CFAP70: variants seen among roughly 807,000 people sequenced by gnomAD.
The protein encoded by CFAP70 is cilia- and flagella-associated protein 70.
A neutral mutation model predicts 137.6 loss-of-function variants in CFAP70; 81 were observed. The ratio of observed to expected loss-of-function variants is 0.59; its 90% CI spans 0.49 to 0.71. The LOEUF (loss-of-function observed/expected upper bound fraction) is 0.71, where lower values mean the gene tolerates loss of function less well. Ranked by LOEUF, CFAP70 falls within the 30% of genes least tolerant of loss-of-function variation. The pLI is 0.00. For missense variants in CFAP70, 976 were observed against 1,226.7 expected (o/e 0.80, Z 3.05); for synonymous variants, 382 against 423.6 (o/e 0.90, Z 1.20).
upstream of CFAP70, among the ~76,000 whole-genome samples, chr10:73,361,053 C>T (rs2054984537): frequency 6.6e-6 from 1 of 151,256 alleles, no homozygotes; most frequent in Non-Finnish European, 1.5e-5. Context: ...GGCTGGAGTG[C>T]CGTGGCGCAA....
Position 73,310,147 on chromosome 10 carries a change from T to C in CFAP70, c.1256+11A>G, listed in dbSNP as rs1370582323. 1.9e-6 allele frequency: 3 copies of C among 1,589,498 alleles called. No individual in the cohort carries two copies. The highest frequency in any genetic ancestry group is 2.6e-6 in the Non-Finnish European group (3 of 1,165,202). On this transcript the variant is annotated intron_variant, in intron 12 of 26. Transcript: ENST00000310715. ...TTGTACAAAACTAGTATAAGCACCA[T>C]AGCTACAAACCTTCTGGCTAGCTCC...
intron 9 of CFAP70, among the ~76,000 whole-genome samples, chr10:73,321,796 A>T (rs1051373212): frequency 2.6e-5 from 4 of 151,620 alleles, no homozygotes; most frequent in Non-Finnish European, 5.9e-5. Flanking sequence ...TTATATATAT[A>T]TTTTTAAGAC....
At chr10:73,339,497 G>T (rs1421186163) in intron 6 of CFAP70, among the ~76,000 whole-genome samples, 1 of 152,180 alleles carries the variant, frequency 6.6e-6, no homozygotes, top group East Asian at 1.9e-4. Flanking sequence ...TTTTGCTTGG[G>T]CCTGCTAGGC....
chr10:73,253,812 C>T (rs2044192278), exon 27 of CFAP70: 1 of 505,746 alleles, frequency 2.0e-6, no homozygotes, highest in Non-Finnish European at 3.5e-6. Context: ...TTCTCGTCAA[C>T]CAGTAAAACA....
chr10:73,271,208 G>C (rs532683655), intron 24 of CFAP70, among the ~76,000 whole-genome samples: 1 of 152,242 alleles, frequency 6.6e-6, no homozygotes, highest in African/African-American at 2.4e-5. Context: ...CTCACTGACA[G>C]ATGTGTGAAA....
intron 24 of CFAP70, among the ~76,000 whole-genome samples, chr10:73,271,631 C>G (rs2046323624): frequency 6.6e-6 from 1 of 152,188 alleles, no homozygotes; most frequent in African/African-American, 2.4e-5. Context: ...CAAATGTTAA[C>G]AGTGGTTATC....
chr10:73,280,796 ACTT>A (rs1191967165), intron 19 of CFAP70, among the ~76,000 whole-genome samples: 2 of 152,000 alleles, frequency 1.3e-5, no homozygotes, highest in East Asian at 3.9e-4. Flanking sequence ...TGGTAATGTG[ACTT>A]CTTTTTTTCC....
At chr10:73,293,265 C>T (rs1322243229) in exon 16 of CFAP70, 1 of 1,607,028 alleles carries the variant, frequency 6.2e-7, no homozygotes. Flanking sequence ...TTAATTACCT[C>T]TTTATAATAT....
rs2046080605 is a variant in CFAP70 at position 73,269,730 on chromosome 10, G to A, written c.2926-15C>T. On this transcript the variant is annotated splice_polypyrimidine_tract_variant and intron_variant, in intron 24 of 26. Coordinates refer to ENST00000310715, the Ensembl canonical transcript of CFAP70. Reference sequence around the variant, plus strand: ...AGCTCCTCCAGCTTGACAGAAAAATGAGACATGTGAGTTAGCTTAGCTGAA... The same window carrying A: ...AGCTCCTCCAGCTTGACAGAAAAATAAGACATGTGAGTTAGCTTAGCTGAA... 3 of 1,550,536 alleles carry A rather than the reference G, an allele frequency of 1.9e-6. No homozygotes were observed. Among genetic ancestry groups the A allele is most frequent in the East Asian group, 4.5e-5 (2 of 44,526 alleles).
chr10:73,277,333 A>C (rs762737924), exon 21 of CFAP70: 15 of 1,614,082 alleles, frequency 9.3e-6, no homozygotes, highest in Non-Finnish European at 1.3e-5. Flanking sequence ...GATGCAGAAG[A>C]GCTGATGAAT....
Position 73,291,809 on chromosome 10 carries a change from G to T in CFAP70, c.1905-54C>A, listed in dbSNP as rs555907998. On this transcript the variant is annotated intron_variant, in intron 17 of 26. Transcript: ENST00000310715. ...AACACGGTCCCATGTCACATTTATGGAACCAAGACAATTTCACGTAGAAAC... is the reference window on the plus strand; with the variant it reads ...AACACGGTCCCATGTCACATTTATGTAACCAAGACAATTTCACGTAGAAAC... 1.1e-5 allele frequency: 18 copies of T among 1,613,394 alleles called. No individual in the cohort carries two copies. In the African/African-American group the frequency reaches 2.4e-4, roughly 22 times the overall value.
chr10:73,268,789 G>A lies in CFAP70; in HGVS notation c.3027+825C>T, dbSNP rs148669514. On this transcript the variant is annotated intron_variant, in intron 25 of 26. Transcript: ENST00000310715. ...GCACCCTGCAACTTCTGCCTCCCAG[G>A]TTCAAGTGATCCTCCCACCCCAACC... Among the ~76,000 whole-genome samples, 920 of 151,932 alleles carry A rather than the reference G, an allele frequency of 6.1e-3. 14 individuals carry two copies. Among genetic ancestry groups the A allele is most frequent in the Non-Finnish European group, 6.2e-3 (420 of 67,970 alleles).
rs987182565 is a variant in CFAP70 at position 73,322,813 on chromosome 10, T to C, written c.912+150A>G. On this transcript the variant is annotated intron_variant, in intron 9 of 26. Coordinates refer to ENST00000310715, the Ensembl canonical transcript of CFAP70. ...TTATCCTAAATTTTTAAAGGTCCAA[T>C]GCAGAATGACTGTAAGGCTATATAT... is the stretch of plus-strand genomic sequence containing the variant. 1.1e-5 allele frequency: 7 copies of C among 614,590 alleles called. No individual in the cohort carries two copies. The African/African-American group carries it at 1.3e-4, about 12-fold the overall frequency. The allele number at this position is 614,590 out of a possible 1,614,324, so 38.1% of individuals were successfully genotyped here.
At chr10:73,345,165 T>C (rs1218620924) in intron 4 of CFAP70, 1 of 1,614,176 alleles carries the variant, frequency 6.2e-7, no homozygotes, top group South Asian at 1.1e-5. Flanking sequence ...CAACGTGACC[T>C]TCAGTAGATT....
chr10:73,318,050 G>A (rs1446027065), intron 9 of CFAP70, among the ~76,000 whole-genome samples: 2 of 152,142 alleles, frequency 1.3e-5, no homozygotes, highest in Admixed American at 6.5e-5. Context: ...ATTGTAATGA[G>A]ACAGAGTAGC....
intron 12 of CFAP70, among the ~76,000 whole-genome samples, chr10:73,309,261 A>T (rs1025037862): frequency 6.6e-6 from 1 of 152,260 alleles, no homozygotes; most frequent in African/African-American, 2.4e-5. Context: ...AATAACCCAG[A>T]TGAATGCACA....
At chr10:73,289,388 C>T (rs201872658) in intron 19 of CFAP70, among the ~76,000 whole-genome samples, 3 of 151,888 alleles carry the variant, frequency 2.0e-5, no homozygotes, top group Non-Finnish European at 4.4e-5. Context: ...TGGGTTCAAG[C>T]GATTCTCCTG....
intron 12 of CFAP70, among the ~76,000 whole-genome samples, chr10:73,301,324 T>G (rs1317003717): frequency 6.6e-6 from 1 of 152,174 alleles, no homozygotes; most frequent in Non-Finnish European, 1.5e-5. Flanking sequence ...TTCATGATAG[T>G]GAGTAAGTGC....
intron 5 of CFAP70, among the ~76,000 whole-genome samples, chr10:73,343,943 A>C (rs2053491202): frequency 6.6e-6 from 1 of 151,158 alleles, no homozygotes; most frequent in Non-Finnish European, 1.5e-5. Context: ...AGAAAATATT[A>C]TTTTTCTCTA....
Sources: gnomAD v4.1 joint callset for allele counts (sites outside exome capture counted in the v4.1 genomes callset) on GRCh38, gnomAD v4.1.1 for gene constraint, MANE v1.5 for transcripts, NCBI Gene and HGNC (gene_info 2026-07-23, HGNC 2026-07-21) for gene names.